The following RIPOR2 variants were observed in gnomAD, a reference collection of about 807,000 sequenced individuals.
The protein encoded by RIPOR2 is rho family-interacting cell polarization regulator 2.
Under a neutral mutation model 114.5 loss-of-function variants are expected in RIPOR2, and 39 were observed. That is an observed-to-expected ratio of 0.34 (90% confidence interval 0.26 to 0.44). The LOEUF (loss-of-function observed/expected upper bound fraction) is 0.44, where lower values mean the gene tolerates loss of function less well. Ranked by LOEUF, RIPOR2 falls within the 20% of genes least tolerant of loss-of-function variation. RIPOR2 has a pLI of 1.00. For synonymous variants in RIPOR2, 445 were observed against 484.4 expected (o/e 0.92, Z 1.07); for missense variants, 1,007 against 1,255.1 (o/e 0.80, Z 2.99).
chr6:24,819,058 T>C (rs933819153), intron 19 of RIPOR2, among the ~76,000 whole-genome samples: 1 of 151,926 alleles, frequency 6.6e-6, no homozygotes. Flanking sequence ...CCTTGTCTCA[T>C]GTGTCATTCC....
At chr6:25,008,925 G>C (rs1775666285) in intron 1 of RIPOR2, among the ~76,000 whole-genome samples, 1 of 152,234 alleles carries the variant, frequency 6.6e-6, no homozygotes, top group Admixed American at 6.5e-5. Context: ...TGGTATATTG[G>C]GAAACTAAGC....
In RIPOR2 at chr6:24,976,703, C is replaced by G. The variant is rs1408350694; in HGVS notation, c.76+65148G>C. On this transcript the variant is annotated intron_variant, in intron 1 of 13. Coordinates refer to the RIPOR2 transcript ENST00000510784. ...GGTGACTTCACACGCCATAATGGCA[C>G]TGGTGGCAAGTCACCACTGGGAGAA... 7 of 1,608,412 alleles carry G rather than the reference C, an allele frequency of 4.4e-6. No homozygotes were observed. The East Asian group carries it at 1.6e-4, about 36-fold the overall frequency.
intron 7 of RIPOR2, among the ~76,000 whole-genome samples, chr6:24,862,500 G>C (rs548128217): frequency 6.6e-6 from 1 of 152,330 alleles, no homozygotes; most frequent in South Asian, 2.1e-4. Flanking sequence ...GGGATGCAAA[G>C]AGAATGGCAT....
intron 1 of RIPOR2, among the ~76,000 whole-genome samples, chr6:25,004,217 A>T (rs1481985222): frequency 6.6e-6 from 1 of 152,216 alleles, no homozygotes; most frequent in Admixed American, 6.5e-5. Context: ...TCAGTGAAAG[A>T]TGGAAATTAA....
rs781764726 is a variant in RIPOR2, at chr6:24,840,752, C to A, written c.1858-1480G>T. 3.2e-5 allele frequency: 49 copies of A among 1,535,550 alleles called. No homozygotes were observed. In the African/African-American group the frequency reaches 5.9e-4, roughly 18 times the overall value. ...TCCAAGAGGCAGCACCATTTAGTTT[C>A]TGATCGTCAAGGTGTTTAGCATCCT... On this transcript the variant is annotated intron_variant, in intron 13 of 21. Coordinates refer to ENST00000643898, the MANE Select transcript of RIPOR2 (RefSeq NM_001286445.3).
chr6:24,840,192 C>A, intron 13 of RIPOR2: 1 of 972,028 alleles, frequency 1.0e-6, no homozygotes, highest in East Asian at 1.1e-4. Flanking sequence ...CTCCAGCAAT[C>A]CTGGGCTTCC....
chr6:24,826,146 C>G (rs1023134361), intron 18 of RIPOR2, among the ~76,000 whole-genome samples: 8 of 152,008 alleles, frequency 5.3e-5, no homozygotes, highest in Admixed American at 2.6e-4. Flanking sequence ...AGGCTGGTCT[C>G]AAACTCCCGA....
intron 1 of RIPOR2, among the ~76,000 whole-genome samples, chr6:24,995,528 C>T (rs1166610144): frequency 1.3e-5 from 2 of 152,312 alleles, no homozygotes; most frequent in East Asian, 3.9e-4. Flanking sequence ...AGTTTGTCAT[C>T]CTCTAGATTC....
chr6:24,984,884 G>A (rs1000594597), intron 1 of RIPOR2, among the ~76,000 whole-genome samples: 2 of 152,134 alleles, frequency 1.3e-5, no homozygotes, highest in African/African-American at 4.8e-5. Context: ...ACCCAACAAG[G>A]CAGCCTGGTT....
At chr6:25,014,133 A>C (rs900824793) in intron 1 of RIPOR2, among the ~76,000 whole-genome samples, 1 of 152,250 alleles carries the variant, frequency 6.6e-6, no homozygotes, top group Non-Finnish European at 1.5e-5. Flanking sequence ...ACAGAATTTT[A>C]GGCCTGGAGC....
intron 1 of RIPOR2, chr6:24,976,285 A>G: frequency 1.5e-6 from 1 of 661,542 alleles, no homozygotes; most frequent in South Asian, 2.0e-5. Flanking sequence ...GAACGTATAT[A>G]TGCCTTGAAA....
chr6:24,829,300 C>T (rs968339247), intron 17 of RIPOR2, among the ~76,000 whole-genome samples: 7 of 151,516 alleles, frequency 4.6e-5, no homozygotes, highest in Admixed American at 2.0e-4. Context: ...GGCAACAGAG[C>T]GAGACTCCAT....
intron 1 of RIPOR2, among the ~76,000 whole-genome samples, chr6:24,922,817 T>C (rs1387922854): frequency 3.1e-5 from 4 of 130,292 alleles, no homozygotes; most frequent in Non-Finnish European, 4.6e-5. Context: ...GCCAAGATGG[T>C]GCCATCACAC....
chr6:24,832,681 G>C (rs1417803259), intron 15 of RIPOR2, among the ~76,000 whole-genome samples: 1 of 152,146 alleles, frequency 6.6e-6, no homozygotes, highest in African/African-American at 2.4e-5. Context: ...TTGTGAATCT[G>C]ATCTTCCCCT....
chr6:24,937,490 C>CA (rs1244186237), upstream of RIPOR2, among the ~76,000 whole-genome samples: 1 of 152,096 alleles, frequency 6.6e-6, no homozygotes, highest in Non-Finnish European at 1.5e-5. Flanking sequence ...ACCCTTTTAC[C>CA]ACCCCCTACC....
At chr6:24,906,665 C>A (rs1769026812) in intron 1 of RIPOR2, among the ~76,000 whole-genome samples, 1 of 152,154 alleles carries the variant, frequency 6.6e-6, no homozygotes, top group Admixed American at 6.5e-5. Flanking sequence ...TCTTAAGGGT[C>A]TCACTCTGTC....
chr6:25,033,137 G>C (rs144237404), intron 1 of RIPOR2, among the ~76,000 whole-genome samples: 1 of 152,104 alleles, frequency 6.6e-6, no homozygotes, highest in African/African-American at 2.4e-5. Flanking sequence ...CCAGGGGTTC[G>C]AGGCTGCAGT....
At chr6:24,851,248 G>C (rs1031414033) in intron 9 of RIPOR2, among the ~76,000 whole-genome samples, 1 of 152,124 alleles carries the variant, frequency 6.6e-6, no homozygotes, top group African/African-American at 2.4e-5. Flanking sequence ...GAGGGTACAG[G>C]TTTTCTGTAG....
intron 1 of RIPOR2, among the ~76,000 whole-genome samples, chr6:24,884,782 G>A (rs1766669304): frequency 6.6e-6 from 1 of 152,170 alleles, no homozygotes; most frequent in African/African-American, 2.4e-5. Context: ...AGACTACTTG[G>A]ACATGTAGAC....
Sources: allele counts gnomAD v4.1 joint callset (sites outside exome capture counted in the v4.1 genomes callset), GRCh38; gene constraint gnomAD v4.1.1; transcripts MANE v1.5; gene names NCBI Gene and HGNC (gene_info 2026-07-23, HGNC 2026-07-21).